The following TNRC6A variants were observed in gnomAD, a reference collection of about 807,000 sequenced individuals.
The protein encoded by TNRC6A is trinucleotide repeat-containing gene 6A protein.
Under a neutral mutation model 221.2 loss-of-function variants are expected in TNRC6A, and 44 were observed. The ratio of observed to expected loss-of-function variants is 0.20; its 90% CI spans 0.16 to 0.26. The LOEUF (loss-of-function observed/expected upper bound fraction) is 0.26, where lower values mean the gene tolerates loss of function less well. Among genes scored for constraint, TNRC6A ranks in the 10% least tolerant of loss-of-function variants. The pLI, the probability that TNRC6A is intolerant of heterozygous loss-of-function variation, is 1.00. For synonymous variants in TNRC6A, 847 were observed against 838.5 expected (o/e 1.01, Z -0.18); for missense variants, 2,199 against 2,404.4 (o/e 0.91, Z 1.79).
At chr16:24,736,079 C>T (rs1314222198) in intron 2 of TNRC6A, among the ~76,000 whole-genome samples, 1 of 152,100 alleles carries the variant, frequency 6.6e-6, no homozygotes, top group East Asian at 1.9e-4. Flanking sequence ...GGAGGAGAAT[C>T]GCTTGAACCT....
intron 23 of TNRC6A, 110 bp downstream of exon 23, chr16:24,822,257 G>C: frequency 9.5e-7 from 1 of 1,054,544 alleles, no homozygotes; most frequent in South Asian, 1.4e-5. Flanking sequence ...AAGCCGAGCA[G>C]AGGAAACAGC....
intron 3 of TNRC6A, among the ~76,000 whole-genome samples, chr16:24,753,205 C>T (rs1319892912): frequency 6.6e-6 from 1 of 152,220 alleles, no homozygotes; most frequent in African/African-American, 2.4e-5. Context: ...GCTTTTCATA[C>T]TGTTGCCCAC....
At chr16:24,656,510 T>C (rs1028259791) in intron 2 of TNRC6A, among the ~76,000 whole-genome samples, 1 of 150,286 alleles carries the variant, frequency 6.7e-6, no homozygotes, top group Non-Finnish European at 1.5e-5. Context: ...GAAGTACATA[T>C]GCTTTTCAAA....
At chr16:24,686,370 G>T (rs1428772414) in intron 2 of TNRC6A, among the ~76,000 whole-genome samples, 1 of 152,086 alleles carries the variant, frequency 6.6e-6, no homozygotes, top group Non-Finnish European at 1.5e-5. Context: ...TGACATCATG[G>T]AATCCAGCCT....
intron 2 of TNRC6A, among the ~76,000 whole-genome samples, chr16:24,734,678 C>T (rs896014284): frequency 6.6e-6 from 1 of 152,142 alleles, no homozygotes; most frequent in South Asian, 2.1e-4. Flanking sequence ...CTCCCATGTG[C>T]AGTATTTTAT....
chr16:24,822,526 C>T (rs960039244), intron 23 of TNRC6A, among the ~76,000 whole-genome samples: 3 of 152,202 alleles, frequency 2.0e-5, no homozygotes, highest in African/African-American at 4.8e-5. Context: ...CTGGCCTGCG[C>T]CCTCCTCTGG....
chr16:24,700,613 C>T (rs76136143), intron 2 of TNRC6A, among the ~76,000 whole-genome samples: 1,901 of 152,174 alleles, frequency 0.012, 48 homozygotes, highest in African/African-American at 0.043. Context: ...TCTTGCTGCA[C>T]CCCTGAACCC....
At chr16:24,618,642 A>ATTTTTT (rs61228496) in intron 1 of TNRC6A, among the ~76,000 whole-genome samples, 2 of 88,040 alleles carry the variant, frequency 2.3e-5, no homozygotes, top group Non-Finnish European at 4.4e-5. Flanking sequence ...CATTTCATGA[A>ATTTTTT]TTTTTTTTTT....
chr16:24,711,921 A>T (rs2056213570), intron 2 of TNRC6A, among the ~76,000 whole-genome samples: 1 of 151,980 alleles, frequency 6.6e-6, no homozygotes, highest in African/African-American at 2.4e-5. Context: ...TCAGCCTCCC[A>T]AATTGCTGGG....
intron 2 of TNRC6A, among the ~76,000 whole-genome samples, chr16:24,673,517 G>C (rs563013556): frequency 6.6e-6 from 1 of 152,136 alleles, no homozygotes; most frequent in African/African-American, 2.4e-5. Flanking sequence ...CCACCAGCTC[G>C]AGCAGTGAAA....
intron 2 of TNRC6A, among the ~76,000 whole-genome samples, chr16:24,694,428 G>A (rs538523545): frequency 7.9e-5 from 12 of 151,832 alleles, no homozygotes; most frequent in South Asian, 2.1e-4. Flanking sequence ...GGCCGAGGCC[G>A]GTGGATCACG....
intron 1 of TNRC6A, among the ~76,000 whole-genome samples, chr16:24,626,127 A>G (rs971093011): frequency 3.1e-5 from 4 of 129,986 alleles, no homozygotes; most frequent in Admixed American, 1.5e-4. Context: ...CATAGCACAC[A>G]TTCAGTTTTT....
intron 2 of TNRC6A, among the ~76,000 whole-genome samples, chr16:24,664,395 A>T (rs1311139783): frequency 2.0e-5 from 3 of 146,706 alleles, no homozygotes; most frequent in African/African-American, 7.4e-5. Flanking sequence ...TAATAAATTC[A>T]TATTATAAAT....
At chr16:24,615,410 T>C (rs1324615721) in intron 1 of TNRC6A, among the ~76,000 whole-genome samples, 1 of 152,114 alleles carries the variant, frequency 6.6e-6, no homozygotes, top group Non-Finnish European at 1.5e-5. Context: ...AGACTTCATA[T>C]GTAAATTTGG....
At chr16:24,666,639 G>GAAAAAAAA (rs1164353374) in intron 2 of TNRC6A, among the ~76,000 whole-genome samples, 2 of 31,508 alleles carry the variant, frequency 6.3e-5, no homozygotes, top group Non-Finnish European at 5.7e-5. Flanking sequence ...CTGTCTTAGA[G>GAAAAAAAA]AAAAAAAAAA....
At chr16:24,745,128 A>G (rs172066) in intron 2 of TNRC6A, among the ~76,000 whole-genome samples, 102,392 of 152,046 alleles carry the variant, frequency 0.67, 34,854 homozygotes, top group Non-Finnish European at 0.72. Context: ...CCACTTCCAG[A>G]TAACTATTAG....
chr16:24,677,855 C>G (rs1015213050), intron 2 of TNRC6A, among the ~76,000 whole-genome samples: 2 of 152,092 alleles, frequency 1.3e-5, no homozygotes, highest in African/African-American at 4.8e-5. Context: ...TCTGTTCCCT[C>G]CTTTCATATC....
chr16:24,712,957 GTA>G (rs1567379664), intron 2 of TNRC6A, among the ~76,000 whole-genome samples: 5 of 144,566 alleles, frequency 3.5e-5, no homozygotes, highest in African/African-American at 5.0e-5. Flanking sequence ...GTGTGTGTGT[GTA>G]TAGAGGTGAG....
intron 3 of TNRC6A, among the ~76,000 whole-genome samples, chr16:24,751,339 CTTTA>C (rs2057132873): frequency 6.6e-6 from 1 of 152,238 alleles, no homozygotes; most frequent in South Asian, 2.1e-4. Context: ...CTTTTTCCCT[CTTTA>C]TTTAGTACCT....
Sources: gnomAD v4.1 joint callset for allele counts (sites outside exome capture counted in the v4.1 genomes callset) on GRCh38, gnomAD v4.1.1 for gene constraint, MANE v1.5 for transcripts, NCBI Gene and HGNC (gene_info 2026-07-23, HGNC 2026-07-21) for gene names.